The following CARMIL1 variants were observed in gnomAD, a reference collection of about 807,000 sequenced individuals.
CARMIL1 encodes F-actin-uncapping protein LRRC16A.
Under a neutral mutation model 177.1 loss-of-function variants are expected in CARMIL1, and 90 were observed. The ratio of observed to expected loss-of-function variants is 0.51; its 90% CI spans 0.43 to 0.61. The LOEUF is 0.61. Among genes scored for constraint, CARMIL1 ranks in the 20% least tolerant of loss-of-function variants. CARMIL1 has a pLI of 0.00. For synonymous variants in CARMIL1, 577 were observed against 606.2 expected, an observed-to-expected ratio of 0.95 and a Z score of 0.71; for missense variants, 1,380 against 1,667.0, an observed-to-expected ratio of 0.83 and a Z score of 3.00.
intron 16 of CARMIL1, among the ~76,000 whole-genome samples, chr6:25,498,116 C>T (rs1390402422): frequency 6.6e-6 from 1 of 152,146 alleles, no homozygotes; most frequent in Non-Finnish European, 1.5e-5. Context: ...GCCTTTCTTC[C>T]TGGACATCCC....
At chr6:25,359,311 C>T (rs1046929539) in intron 2 of CARMIL1, among the ~76,000 whole-genome samples, 3 of 152,202 alleles carry the variant, frequency 2.0e-5, no homozygotes, top group Non-Finnish European at 4.4e-5. Flanking sequence ...TGTTTCAGAA[C>T]CTCATGACAG....
intron 3 of CARMIL1, among the ~76,000 whole-genome samples, chr6:25,423,098 A>G (rs191833944): frequency 9.8e-5 from 15 of 152,336 alleles, no homozygotes; most frequent in African/African-American, 3.6e-4. Flanking sequence ...TGAGAAGTAA[A>G]GCCAGTGTGA....
At position 25,620,441 on chromosome 6, in the gene CARMIL1, GAC is replaced by G. The variant is rs1452637039; in HGVS notation, c.*860_*861del. 1 of 152,152 alleles carries G rather than the reference GAC, an allele frequency of 6.6e-6. No individual in the cohort carries two copies. Among genetic ancestry groups the G allele is most frequent in the African/African-American group, 2.4e-5 (1 of 41,418 alleles). The allele number at this position is 152,152 out of a possible 1,614,324, so 9.4% of individuals were successfully genotyped here. A position where few individuals can be genotyped will look rare whatever the true frequency, so the allele number is the denominator to read the frequency against. ...AAAATCAAAATACTACTCTTTATAAGACATTTCACAAATATTCACTTACATTA... is the reference window on the plus strand; with the variant it reads ...AAAATCAAAATACTACTCTTTATAAGATTTCACAAATATTCACTTACATTA... On this transcript the variant is annotated 3_prime_UTR_variant, in exon 37 of 37. Coordinates refer to ENST00000329474, the MANE Select transcript of CARMIL1 (RefSeq NM_017640.6).
chr6:25,402,704 G>A (rs1286222174), intron 2 of CARMIL1, among the ~76,000 whole-genome samples: 2 of 152,150 alleles, frequency 1.3e-5, no homozygotes, highest in African/African-American at 4.8e-5. Context: ...CACACTTCGA[G>A]TGCTTAGTAG....
chr6:25,296,918 T>C (rs1451999511), intron 2 of CARMIL1, among the ~76,000 whole-genome samples: 1 of 35,470 alleles, frequency 2.8e-5, no homozygotes, highest in African/African-American at 1.7e-4. Flanking sequence ...TCTATCTATC[T>C]ATCTATCTAT....
At chr6:25,419,287 A>G (rs950232544) in intron 2 of CARMIL1, among the ~76,000 whole-genome samples, 5 of 152,232 alleles carry the variant, frequency 3.3e-5, no homozygotes, top group African/African-American at 1.2e-4. Context: ...GAAAATGAAA[A>G]GAGGGCAATT....
At chr6:25,409,614 A>T (rs1302178324) in intron 2 of CARMIL1, among the ~76,000 whole-genome samples, 1 of 152,268 alleles carries the variant, frequency 6.6e-6, no homozygotes. Context: ...CTCATGGTGG[A>T]TCCCGCTTAC....
At chr6:25,466,193 C>A (rs1348310540) in intron 9 of CARMIL1, among the ~76,000 whole-genome samples, 1 of 152,128 alleles carries the variant, frequency 6.6e-6, no homozygotes, top group Non-Finnish European at 1.5e-5. Flanking sequence ...CAAAAAGATA[C>A]ATTTAGTGTA....
intron 2 of CARMIL1, among the ~76,000 whole-genome samples, chr6:25,342,473 A>G (rs948960811): frequency 3.9e-5 from 6 of 152,232 alleles, no homozygotes; most frequent in Admixed American, 3.3e-4. Context: ...GGATAGGCCT[A>G]CCTGGGTTCA....
At chr6:25,581,477 C>A in intron 31 of CARMIL1, 38 bp downstream of exon 31, 1 of 1,535,170 alleles carries the variant, frequency 6.5e-7, no homozygotes, top group South Asian at 1.2e-5. Flanking sequence ...CTCTCCCACA[C>A]CCTTTTCTTC....
chr6:25,420,397 CAT>C lies in CARMIL1; in HGVS notation c.189+236_189+237del, dbSNP rs1472304672. 20 of 498,786 alleles carry C rather than the reference CAT, an allele frequency of 4.0e-5. No individual in the cohort carries two copies. The East Asian group carries it at 5.7e-4, about 14-fold the overall frequency. 30.9% of individuals were successfully genotyped at this position (498,786 alleles called of 1,614,324 possible). On this transcript the variant is annotated intron_variant, in intron 3 of 36. Coordinates refer to ENST00000329474, the MANE Select transcript of CARMIL1 (RefSeq NM_017640.6). The stretch of plus-strand genomic sequence containing the variant: ...AGCACCTAAAGGCTGTAATGAGAAA[CAT>C]ATTTTTTACTCCTTTGTTCCCTCTC...
At chr6:25,441,365 G>GTGTGTGTC (rs1562140619) in intron 5 of CARMIL1, among the ~76,000 whole-genome samples, 2 of 146,664 alleles carry the variant, frequency 1.4e-5, no homozygotes, top group East Asian at 3.9e-4. Flanking sequence ...GTGTGTGTGT[G>GTGTGTGTC]TGTGTGTCTA....
At chr6:25,389,793 A>G (rs1792562561) in intron 2 of CARMIL1, among the ~76,000 whole-genome samples, 1 of 152,212 alleles carries the variant, frequency 6.6e-6, no homozygotes, top group Non-Finnish European at 1.5e-5. Flanking sequence ...GATAATTACA[A>G]GAGGGCATGC....
chr6:25,495,304 C>A, intron 16 of CARMIL1, 89 bp downstream of exon 16: 3 of 859,492 alleles, frequency 3.5e-6, no homozygotes, highest in Admixed American at 3.1e-5. Flanking sequence ...GATATATAAT[C>A]CAAAGACAAA....
chr6:25,356,050 CTTTTTTT>C (rs5875031), intron 2 of CARMIL1, among the ~76,000 whole-genome samples: 1 of 120,336 alleles, frequency 8.3e-6, no homozygotes, highest in Non-Finnish European at 1.8e-5. Flanking sequence ...TCTAAGACTT[CTTTTTTT>C]TTTTTTTTTT....
chr6:25,414,977 AAT>A (rs1332211865), intron 2 of CARMIL1, among the ~76,000 whole-genome samples: 1 of 152,198 alleles, frequency 6.6e-6, no homozygotes, highest in Non-Finnish European at 1.5e-5. Flanking sequence ...CTGCCTGTAA[AAT>A]ACTTTTAAAG....
At chr6:25,293,302 G>GTGTTT (rs1554152259) in intron 2 of CARMIL1, among the ~76,000 whole-genome samples, 16 of 144,614 alleles carry the variant, frequency 1.1e-4, no homozygotes, top group East Asian at 6.5e-4. Context: ...GTGTGTGTGT[G>GTGTTT]TGTTTTGTAG....
chr6:25,304,299 T>A (rs1325170313), intron 2 of CARMIL1, among the ~76,000 whole-genome samples: 1 of 152,188 alleles, frequency 6.6e-6, no homozygotes, highest in Non-Finnish European at 1.5e-5. Context: ...GGATGGGGAA[T>A]TGAATTCCTT....
chr6:25,411,186 G>A (rs9379762), intron 2 of CARMIL1, among the ~76,000 whole-genome samples: 54,233 of 152,034 alleles, frequency 0.36, 10,341 homozygotes, highest in African/African-American at 0.47. Flanking sequence ...TAGCACACAT[G>A]CCCTATGCAG....
Sources: allele counts gnomAD v4.1 joint callset (sites outside exome capture counted in the v4.1 genomes callset), GRCh38; gene constraint gnomAD v4.1.1; transcripts MANE v1.5; gene names NCBI Gene and HGNC (gene_info 2026-07-23, HGNC 2026-07-21).